Variants in HNRNPUL2 observed in about 807,000 individuals in gnomAD.
The protein encoded by HNRNPUL2 is heterogeneous nuclear ribonucleoprotein U like 2, also known as heterogeneous nuclear ribonucleoprotein U-like protein 2.
HNRNPUL2 carries 27 observed loss-of-function variants against 102.2 expected under a neutral mutation model. That is an observed-to-expected ratio of 0.26 (90% confidence interval 0.19 to 0.36). The LOEUF (loss-of-function observed/expected upper bound fraction) is 0.36, where lower values mean the gene tolerates loss of function less well. Among genes scored for constraint, HNRNPUL2 ranks in the 10% least tolerant of loss-of-function variants. The pLI is 1.00. For missense variants in HNRNPUL2, 936 were observed against 981.1 expected, an observed-to-expected ratio of 0.95 and a Z score of 0.61; for synonymous variants, 458 against 387.2, an observed-to-expected ratio of 1.18 and a Z score of -2.15.
intron 7 of HNRNPUL2, 23 bp from the exon 8 acceptor site, chr11:62,721,965 TA>T (rs747166943): frequency 1.7e-5 from 27 of 1,611,684 alleles, no homozygotes; most frequent in Non-Finnish European, 2.1e-5. Context: ...GAACCAGAAA[TA>T]TAATGAAAAA....
At chr11:62,715,671 C>T (rs1448298309) in intron 12 of HNRNPUL2, 64 bp from the exon 13 acceptor site, 5 of 1,262,948 alleles carry the variant, frequency 4.0e-6, no homozygotes, top group Non-Finnish European at 5.8e-6. Flanking sequence ...CCCACCGTGA[C>T]CCCCTTTTAA....
intron 10 of HNRNPUL2, among the ~76,000 whole-genome samples, chr11:62,718,989 T>C (rs2083680872): frequency 6.6e-6 from 1 of 152,022 alleles, no homozygotes; most frequent in Non-Finnish European, 1.5e-5. Context: ...CATGCCCGAC[T>C]AATTTTTTTT....
chr11:62,722,754 C>A (rs375338547), intron 5 of HNRNPUL2, 41 bp from the exon 6 acceptor site: 1 of 1,604,136 alleles, frequency 6.2e-7, no homozygotes, highest in Admixed American at 1.7e-5. Context: ...ACCGGACTTC[C>A]CATAGAGTAA....
chr11:62,715,962 T>C, intron 11 of HNRNPUL2, 25 bp from the exon 12 acceptor site: 3 of 1,560,644 alleles, frequency 1.9e-6, no homozygotes, highest in Non-Finnish European at 2.6e-6. Context: ...GAGAGCGCGC[T>C]CAGACAGCTG....
At position 62,715,895 on chromosome 11, in the gene HNRNPUL2, T is replaced by C; in HGVS notation, c.2024A>G (p.Gln675Arg). 1.2e-6 allele frequency: 2 copies of C among 1,613,442 alleles called. No individual in the cohort carries two copies. Among genetic ancestry groups the C allele is most frequent in the Non-Finnish European group, 1.7e-6 (2 of 1,179,746 alleles). Residue 675 changes from glutamine to arginine, a missense_variant, in exon 12 of 14, where the codon CAG (glutamine) becomes CGG (arginine). This residue lies in a region of HNRNPUL2 where 609 missense variants were observed against 713.0 expected (regional missense o/e 0.85). Coordinates refer to ENST00000301785, the MANE Select transcript of HNRNPUL2 (RefSeq NM_001079559.3). Reference protein sequence around the residue: ...RRGYDNRAYGQQYWGQPGNRG... With the variant: ...RRGYDNRAYGRQYWGQPGNRG... ...GTTTCCAGGCTGCCCCCAGTACTGC[T>C]GCCCGTAGGCCCGGTTGTCGTAGCC...
rs930050375 is a variant in HNRNPUL2 at position 62,727,447 on chromosome 11, C to T, written c.-291G>A. The T allele has an allele frequency of 7.2e-5, 20 of 279,420 alleles. No homozygotes were observed. In the Admixed American group the frequency reaches 7.5e-4, roughly 11 times the overall value. The allele number at this position is 279,420 out of a possible 1,614,324, so 17.3% of individuals were successfully genotyped here. On this transcript the variant is annotated 5_prime_UTR_variant, in exon 1 of 14. Coordinates refer to ENST00000301785, the MANE Select transcript of HNRNPUL2 (RefSeq NM_001079559.3). ...TTCCCCAGCCGCGGGCAGGCGCGCG[C>T]GGAGGACGACGGAGTTCCTCCCGCT... is the stretch of plus-strand genomic sequence containing the variant.
In HNRNPUL2 at chr11:62,726,741, C is replaced by G. The variant is rs1251818837; in HGVS notation, c.416G>C (p.Gly139Ala). ...EKPAEATAGS[G>A]GVNGGEEQGL... is the part of the protein sequence containing the mutation. Reference sequence around the variant, plus strand: ...CTGCTCTTCGCCACCATTTACCCCGCCTGACCCGGCCGTGGCCTCCGCCGG... The same window carrying G: ...CTGCTCTTCGCCACCATTTACCCCGGCTGACCCGGCCGTGGCCTCCGCCGG... The change falls in exon 1 of 14, where the codon GGC becomes GCC. Residue 139 changes from glycine (G) to alanine (A), a missense_variant. Physicochemically the swap from Gly to Ala is moderately conservative, Grantham distance 60. Around this residue, in one of 2 missense-constraint regions of HNRNPUL2, gnomAD observed 327 missense variants for 268.1 expected, o/e 1.22. Coordinates refer to ENST00000301785, the MANE Select transcript of HNRNPUL2 (RefSeq NM_001079559.3). 1 of 1,601,166 alleles carries G rather than the reference C, an allele frequency of 6.2e-7. No individual in the cohort carries two copies. The highest frequency in any genetic ancestry group is 1.1e-5 in the South Asian group (1 of 91,054).
chr11:62,717,044 G>A lies in HNRNPUL2; in HGVS notation c.1926C>T (p.Arg642=), dbSNP rs1185163799. Reference sequence around the variant, plus strand: ...GGTTACGCTTGTTTCGGTTGTTTCGGCGATTTGTCCGCTTCTCGGAGGGGG... The same window carrying A: ...GGTTACGCTTGTTTCGGTTGTTTCGACGATTTGTCCGCTTCTCGGAGGGGG... The part of the protein sequence containing the change: ...LLPPSEKRTN[R]RNNRNKRNRQ... Residue 642 remains arginine (R), a synonymous_variant, in exon 11 of 14, where the codon CGC becomes CGT. Coordinates refer to ENST00000301785, the MANE Select transcript of HNRNPUL2 (RefSeq NM_001079559.3). 3 of 1,613,962 alleles carry A rather than the reference G, an allele frequency of 1.9e-6. No homozygotes were observed. Among genetic ancestry groups the A allele is most frequent in the Non-Finnish European group, 2.5e-6 (3 of 1,180,016 alleles).
intron 8 of HNRNPUL2, among the ~76,000 whole-genome samples, 179 bp from the exon 9 acceptor site, chr11:62,721,602 G>A (rs1049683601): frequency 1.3e-5 from 2 of 151,958 alleles, no homozygotes; most frequent in African/African-American, 4.8e-5. Context: ...TTTCTATCTA[G>A]TCTTAACCTG....
In HNRNPUL2 at chr11:62,712,880, CAG is replaced by C. The variant is rs1333262442; in HGVS notation, c.*2417_*2418del. 6.6e-6 allele frequency: 1 copy of C among 152,146 alleles called. No individual in the cohort carries two copies. Among genetic ancestry groups the C allele is most frequent in the Non-Finnish European group, 1.5e-5 (1 of 68,024 alleles). The allele number at this position is 152,146 out of a possible 1,614,324, so 9.4% of individuals were successfully genotyped here. Reference sequence around the variant, plus strand: ...CAAGCTTTCCTGTCTACAACTACAACAGACGTCTGATAAAACACTAAACAAGT... The same window carrying C: ...CAAGCTTTCCTGTCTACAACTACAACACGTCTGATAAAACACTAAACAAGT... On this transcript the variant is annotated 3_prime_UTR_variant, in exon 14 of 14. Coordinates refer to ENST00000301785, the MANE Select transcript of HNRNPUL2 (RefSeq NM_001079559.3).
rs1478679428 is a variant in HNRNPUL2 at position 62,722,390 on chromosome 11, C to A, written c.1096-10G>T. 9.3e-6 allele frequency: 15 copies of A among 1,612,806 alleles called. No individual in the cohort carries two copies. The highest frequency in any genetic ancestry group is 1.3e-5 in the Non-Finnish European group (15 of 1,179,298). On this transcript the variant is annotated splice_polypyrimidine_tract_variant and intron_variant, in intron 6 of 13. Transcript: ENST00000301785. The stretch of plus-strand genomic sequence containing the variant: ...CTTCAGTCTCAAAATTCTACAATGA[C>A]AAGGGACAAGAGCACTTATTGGCTG...
chr11:62,717,603 C>G (rs2083670163), intron 10 of HNRNPUL2, among the ~76,000 whole-genome samples: 1 of 152,212 alleles, frequency 6.6e-6, no homozygotes, highest in African/African-American at 2.4e-5. Flanking sequence ...CGCCTGTAAT[C>G]CCAGCATTTT....
In HNRNPUL2 at chr11:62,714,409, A is replaced by C. The variant is rs987383345; in HGVS notation, c.*890T>G. 3 of 152,172 alleles carry C rather than the reference A, an allele frequency of 2.0e-5. No individual in the cohort carries two copies. The highest frequency in any genetic ancestry group is 4.8e-5 in the African/African-American group (2 of 41,426). The allele number at this position is 152,172 out of a possible 1,614,324, so 9.4% of individuals were successfully genotyped here. ...GACACTCTAACAGGGATGATTTCAG[A>C]GACCTCCCACCTCTCTCAACCTTGG... is the stretch of plus-strand genomic sequence containing the variant. On this transcript the variant is annotated 3_prime_UTR_variant, in exon 14 of 14. Coordinates refer to ENST00000301785, the MANE Select transcript of HNRNPUL2 (RefSeq NM_001079559.3).
At chr11:62,718,107 T>C (rs909422934) in intron 10 of HNRNPUL2, among the ~76,000 whole-genome samples, 5 of 152,078 alleles carry the variant, frequency 3.3e-5, no homozygotes, top group Admixed American at 6.6e-5. Flanking sequence ...CTCATAGATA[T>C]GCAAACCAGT....
In HNRNPUL2 at chr11:62,715,508, T is replaced by C. The variant is rs1469282491; in HGVS notation, c.2155A>G (p.Asn719Asp). The change falls in exon 13 of 14, where the codon AAT becomes GAT. Residue 719 changes from asparagine to aspartate, a missense_variant. Transcript: ENST00000301785. Reference sequence around the variant, plus strand: ...CCCAAGAAGATACTCACATCCCGATTGTATTGTCTGTAATAGTCTCTGTAT... The same window carrying C: ...CCCAAGAAGATACTCACATCCCGATCGTATTGTCTGTAATAGTCTCTGTAT... ...NRYRDYYRQY[N>D]RDWQSYYYHH... The C allele has an allele frequency of 1.2e-6, 2 of 1,609,826 alleles. No individual in the cohort carries two copies. Among genetic ancestry groups the C allele is most frequent in the Middle Eastern group, 1.7e-4 (1 of 6,052 alleles).
chr11:62,716,934 T>C (rs2083664606), intron 11 of HNRNPUL2, 55 bp downstream of exon 11: 1 of 1,593,572 alleles, frequency 6.3e-7, no homozygotes, highest in African/African-American at 1.3e-5. Flanking sequence ...CATCTTGCTG[T>C]ACTAAGCACA....
At chr11:62,724,036 C>T (rs777167873) in intron 2 of HNRNPUL2, 46 bp from the exon 3 acceptor site, 5 of 1,482,790 alleles carry the variant, frequency 3.4e-6, no homozygotes. Flanking sequence ...ACAAAGCCCT[C>T]TTCTTTGAGG....
In HNRNPUL2 at chr11:62,720,155, A is replaced by G; in HGVS notation, c.1648T>C (p.Leu550=). 6.2e-7 allele frequency: 1 copy of G among 1,614,138 alleles called. No homozygotes were observed. Among genetic ancestry groups the G allele is most frequent in the Non-Finnish European group, 8.5e-7 (1 of 1,179,976 alleles). ...VYNSGQRRKL[L]LFKTFSRKVV... ...TTCCGAGAGAAGGTCTTGAACAGCA[A>G]TAGCTTCCGCCGTTGGCCAGAATTG... The change falls in exon 10 of 14, where the codon TTG becomes CTG. Residue 550 remains leucine, a synonymous_variant. Coordinates refer to ENST00000301785, the MANE Select transcript of HNRNPUL2 (RefSeq NM_001079559.3).
At chr11:62,722,483 C>T (rs1475914079) in intron 6 of HNRNPUL2, 103 bp from the exon 7 acceptor site, 1 of 1,469,634 alleles carries the variant, frequency 6.8e-7, no homozygotes, top group African/African-American at 1.4e-5. Context: ...CACAAAGTAA[C>T]TAAGCGAGCC....
Sources: gnomAD v4.1 joint callset for allele counts (sites outside exome capture counted in the v4.1 genomes callset) on GRCh38, gnomAD v4.1.1 for gene constraint, gnomAD v4.1.1 regional missense constraint, MANE v1.5 for transcripts, NCBI Gene and HGNC (gene_info 2026-07-23, HGNC 2026-07-21) for gene names.